GLDC: variants seen among roughly 807,000 people sequenced by gnomAD.
The protein encoded by GLDC is glycine decarboxylase.
In GLDC, 104 loss-of-function variants were observed where a neutral mutation model predicts 121.3. That is an observed-to-expected ratio of 0.86 (90% CI 0.73 to 1.01). The LOEUF (loss-of-function observed/expected upper bound fraction) is 1.01. GLDC is among the 50% of genes least tolerant of loss of function. The probability of loss-of-function intolerance (pLI) is 0.00; values close to 1 mark genes in which losing one functional copy is unlikely to be tolerated. For synonymous variants in GLDC, 546 were observed against 480.6 expected (o/e 1.14, Z -1.78); for missense variants, 1,429 against 1,306.6 (o/e 1.09, Z -1.44).
chr9:6,552,637 G>A (rs373601418), intron 20 of GLDC, among the ~76,000 whole-genome samples: 1 of 152,260 alleles, frequency 6.6e-6, no homozygotes, highest in Admixed American at 6.5e-5. Context: ...GTTTCAGTGG[G>A]AGCCCGCCTT....
intron 6 of GLDC, 23 bp downstream of exon 6, chr9:6,605,108 C>T (rs1391917872): frequency 1.2e-6 from 2 of 1,608,816 alleles, no homozygotes; most frequent in Non-Finnish European, 1.7e-6. Flanking sequence ...TCCACGGACC[C>T]CCCACAAGAA....
intron 15 of GLDC, among the ~76,000 whole-genome samples, chr9:6,572,593 T>C (rs1817988130): frequency 1.3e-5 from 2 of 152,160 alleles, no homozygotes; most frequent in South Asian, 4.1e-4. Context: ...TCCTGTGCAA[T>C]ACTCCAGCCA....
intron 21 of GLDC, among the ~76,000 whole-genome samples, chr9:6,546,425 C>A (rs1370705709): frequency 6.7e-6 from 1 of 148,900 alleles, no homozygotes. Flanking sequence ...GTCTCAGACT[C>A]CTGGGCTCAA....
intron 3 of GLDC, among the ~76,000 whole-genome samples, chr9:6,615,061 G>A (rs145429326): frequency 4.4e-4 from 67 of 152,252 alleles, no homozygotes; most frequent in Admixed American, 4.3e-3. Flanking sequence ...TTGTGAACTG[G>A]GATAAATAAC....
At chr9:6,612,070 T>C (rs1261660490) in intron 3 of GLDC, among the ~76,000 whole-genome samples, 3 of 152,220 alleles carry the variant, frequency 2.0e-5, no homozygotes, top group Non-Finnish European at 2.9e-5. Context: ...ACACCATGTA[T>C]TGTGTGCCTC....
intron 5 of GLDC, chr9:6,605,723 G>A: frequency 3.9e-6 from 1 of 259,714 alleles, no homozygotes; most frequent in Non-Finnish European, 7.6e-6. Flanking sequence ...CCCCTCTGAA[G>A]GGATGGTGGT....
At chr9:6,607,341 G>A (rs12006519) in intron 4 of GLDC, among the ~76,000 whole-genome samples, 165 of 152,258 alleles carry the variant, frequency 1.1e-3, no homozygotes, top group African/African-American at 3.8e-3. Context: ...CCAGCACTAC[G>A]GGAGGCCGAG....
At chr9:6,632,096 C>T (rs933750084) in intron 2 of GLDC, among the ~76,000 whole-genome samples, 1 of 152,068 alleles carries the variant, frequency 6.6e-6, no homozygotes, top group South Asian at 2.1e-4. Context: ...AATTTGCAGT[C>T]CAACCGAGAA....
intron 2 of GLDC, among the ~76,000 whole-genome samples, chr9:6,625,479 C>G (rs1819216063): frequency 6.6e-6 from 1 of 152,204 alleles, no homozygotes; most frequent in African/African-American, 2.4e-5. Context: ...CTGAAACCAA[C>G]AGTCCTCATA....
chr9:6,570,238 T>C (rs956709870), intron 15 of GLDC, among the ~76,000 whole-genome samples: 5 of 152,222 alleles, frequency 3.3e-5, no homozygotes, highest in Non-Finnish European at 5.9e-5. Flanking sequence ...TGTTCTCAAA[T>C]AGAATGTTGT....
Position 6,627,954 on chromosome 9 carries a change from A to C in GLDC, c.335-7635T>G, listed in dbSNP as rs571009507. ...AAACCCAGTGTACCTAGAAGCCCAG[A>C]GTTTGAGTAACTTTGGTGTCAAGAT... On this transcript the variant is annotated intron_variant, in intron 2 of 24. Transcript: ENST00000321612. 2.0e-5 allele frequency among the ~76,000 whole-genome samples: 3 copies of C among 152,352 alleles called. No homozygotes were observed. The South Asian group carries it at 6.2e-4, about 32-fold the overall frequency.
At chr9:6,555,134 T>C (rs1817595762) in intron 18 of GLDC, among the ~76,000 whole-genome samples, 1 of 152,234 alleles carries the variant, frequency 6.6e-6, no homozygotes, top group African/African-American at 2.4e-5. Flanking sequence ...GTTGTTGAAA[T>C]AGGCAACTCT....
intron 15 of GLDC, among the ~76,000 whole-genome samples, chr9:6,580,050 G>T (rs1017037085): frequency 6.6e-6 from 1 of 152,160 alleles, no homozygotes; most frequent in South Asian, 2.1e-4. Context: ...CAGAACTACG[G>T]AAGACCTGGC....
At chr9:6,636,395 ACT>A (rs1479735318) in intron 2 of GLDC, among the ~76,000 whole-genome samples, 2 of 151,902 alleles carry the variant, frequency 1.3e-5, no homozygotes, top group Non-Finnish European at 2.9e-5. Flanking sequence ...ATAATGGGAG[ACT>A]CTACGCTTGT....
intron 17 of GLDC, chr9:6,557,520 G>C (rs1392127982): frequency 6.6e-6 from 1 of 152,280 alleles, no homozygotes; most frequent in Non-Finnish European, 1.5e-5. Flanking sequence ...CTTGAACCCG[G>C]GAGGCGGAGG....
chr9:6,586,552 G>C (rs1434080179), intron 15 of GLDC, among the ~76,000 whole-genome samples: 1 of 152,120 alleles, frequency 6.6e-6, no homozygotes, highest in Non-Finnish European at 1.5e-5. Flanking sequence ...AGGTTCTCCT[G>C]GCCCTGCTAA....
intron 15 of GLDC, among the ~76,000 whole-genome samples, chr9:6,568,533 G>A (rs1252391443): frequency 6.6e-6 from 1 of 152,122 alleles, no homozygotes; most frequent in Non-Finnish European, 1.5e-5. Flanking sequence ...TGTGAGCACA[G>A]CTTAAACTGT....
Position 6,540,260 on chromosome 9 carries a change from G to C in GLDC, c.2570-114C>G, listed in dbSNP as rs1817227430. On this transcript the variant is annotated intron_variant, in intron 21 of 24. Coordinates refer to ENST00000321612, the MANE Select transcript of GLDC (RefSeq NM_000170.3). ...ATCAGCTTTTTATGTGTATCAGCGA[G>C]GACCAAGAAGCCATGGGCACCGGGT... 8 of 754,118 alleles carry C rather than the reference G, an allele frequency of 1.1e-5. 1 individual carries two copies. The South Asian group carries it at 1.2e-4, about 11-fold the overall frequency. 46.7% of individuals were successfully genotyped at this position (754,118 alleles called of 1,614,324 possible).
At chr9:6,596,420 A>G (rs181024865) in intron 8 of GLDC, among the ~76,000 whole-genome samples, 131 of 152,266 alleles carry the variant, frequency 8.6e-4, no homozygotes, top group African/African-American at 3.1e-3. Flanking sequence ...AGAAAATGAC[A>G]ATTTCTTTCA....
Sources: allele counts gnomAD v4.1 joint callset (sites outside exome capture counted in the v4.1 genomes callset), GRCh38; gene constraint gnomAD v4.1.1; transcripts MANE v1.5; gene names NCBI Gene and HGNC (gene_info 2026-07-23, HGNC 2026-07-21).